The following MCF2 variants were observed in gnomAD, a reference collection of about 807,000 sequenced individuals.
MCF2 encodes the protein proto-oncogene DBL.
Under a neutral mutation model 82.5 loss-of-function variants are expected in MCF2, and 44 were observed. That is an observed-to-expected ratio of 0.53 (90% CI 0.42 to 0.69). The LOEUF (loss-of-function observed/expected upper bound fraction) is 0.69, where lower values mean the gene tolerates loss of function less well. Among genes scored for constraint, MCF2 ranks in the 30% least tolerant of loss-of-function variants. The pLI is 0.00. For synonymous variants in MCF2, 217 were observed against 224.9 expected, an observed-to-expected ratio of 0.96 and a Z score of 0.32; for missense variants, 623 against 663.1, an observed-to-expected ratio of 0.94 and a Z score of 0.66.
At chrX:139,685,318 C>T (rs184987409) in intron 1 of MCF2, among the ~76,000 whole-genome samples, 33 of 110,873 alleles carry the variant, frequency 3.0e-4, no homozygotes, top group Admixed American at 8.7e-4. Flanking sequence ...AACTAAAAGG[C>T]GGAAAAGAAA....
chrX:139,687,305 A>G (rs961129600), intron 1 of MCF2, among the ~76,000 whole-genome samples: 6 of 112,866 alleles, frequency 5.3e-5, no homozygotes, highest in African/African-American at 1.9e-4. Flanking sequence ...TACATCTGCC[A>G]TAAACATACA....
chrX:139,589,034 T>C (rs1378375355), intron 20 of MCF2, among the ~76,000 whole-genome samples: 1 of 111,713 alleles, frequency 9.0e-6, no homozygotes, highest in Non-Finnish European at 1.9e-5. Context: ...ACAGGAGGAT[T>C]CTTTTTAAAA....
chrX:139,587,735 A>T (rs1263182697), exon 22 of MCF2: 2 of 1,192,927 alleles, frequency 1.7e-6, no homozygotes, highest in Non-Finnish European at 2.3e-6. Flanking sequence ...TGCTGAAGAG[A>T]AATCTGAAAC....
intron 4 of MCF2, 145 bp from the exon 8 acceptor site, chrX:139,626,901 A>T: frequency 2.0e-6 from 1 of 491,534 alleles, no homozygotes; most frequent in Non-Finnish European, 3.2e-6. Flanking sequence ...CTGAAAATTC[A>T]CAAAATTTCA....
intron 23 of MCF2, among the ~76,000 whole-genome samples, chrX:139,585,962 C>T (rs964927632): frequency 4.5e-5 from 5 of 112,009 alleles, no homozygotes; most frequent in African/African-American, 3.2e-5. Context: ...AAGTGAAATG[C>T]GCATTCCTTG....
At chrX:139,681,136 G>A (rs1273202581) in intron 1 of MCF2, among the ~76,000 whole-genome samples, 7 of 112,320 alleles carry the variant, frequency 6.2e-5, no homozygotes, top group African/African-American at 2.3e-4. Flanking sequence ...AGTTAAAATA[G>A]AGAAAATGTT....
chrX:139,615,137 C>A, intron 9 of MCF2, 85 bp from the exon 13 acceptor site: 1 of 661,792 alleles, frequency 1.5e-6, no homozygotes, highest in Non-Finnish European at 2.3e-6. Context: ...CTCAGATGGT[C>A]AAAAAAATAA....
At chrX:139,634,860 C>T (rs911134260) in intron 1 of MCF2, among the ~76,000 whole-genome samples, 1 of 111,452 alleles carries the variant, frequency 9.0e-6, no homozygotes, top group African/African-American at 3.3e-5. Context: ...GGCTAGGAGA[C>T]CGAGGATGGA....
At position 139,676,839 on chromosome X, in the gene MCF2, A is replaced by G. The variant is rs758025004; in HGVS notation, c.-44-25051T>C. Among the ~76,000 whole-genome samples the G allele has an allele frequency of 4.5e-5, 5 of 112,172 alleles. No homozygotes were observed. The South Asian group carries it at 1.9e-3, about 42-fold the overall frequency. ...CAGTCACAGACAATGCTTGTTACAG[A>G]GGGTAGCTAGTCAGACATGAGCAGG... is the stretch of plus-strand genomic sequence containing the variant. On this transcript the variant is annotated intron_variant, in intron 1 of 27. Transcript: ENST00000414978.
chrX:139,700,665 G>A (rs1935474701), intron 1 of MCF2, among the ~76,000 whole-genome samples: 1 of 111,894 alleles, frequency 8.9e-6, no homozygotes, highest in Admixed American at 9.5e-5. Flanking sequence ...GGCCACTGTG[G>A]TTCTTCAGGA....
At chrX:139,588,929 C>T (rs1467867884) in intron 20 of MCF2, among the ~76,000 whole-genome samples, 1 of 96,341 alleles carries the variant, frequency 1.0e-5, no homozygotes, top group African/African-American at 3.8e-5. Flanking sequence ...GACGCTGTCT[C>T]AAAAAAAAAA....
chrX:139,586,134 T>A (rs944580466), intron 23 of MCF2, among the ~76,000 whole-genome samples: 5 of 111,584 alleles, frequency 4.5e-5, no homozygotes, highest in Non-Finnish European at 9.4e-5. Context: ...CAAGAGAATT[T>A]GTCTTCTGTA....
At chrX:139,642,395 T>C (rs1004144105) in intron 1 of MCF2, 1 of 1,183,713 alleles carries the variant, frequency 8.4e-7, no homozygotes, top group Non-Finnish European at 1.1e-6. Flanking sequence ...GTTTGTGCTA[T>C]AGCACCATGC....
intron 22 of MCF2, among the ~76,000 whole-genome samples, chrX:139,587,110 T>G (rs1929037852): frequency 8.9e-6 from 1 of 111,909 alleles, no homozygotes; most frequent in African/African-American, 3.2e-5. Context: ...AGATGCTGTG[T>G]GGTGAATCTC....
At chrX:139,634,862 G>A (rs943991103) in intron 1 of MCF2, among the ~76,000 whole-genome samples, 4 of 111,475 alleles carry the variant, frequency 3.6e-5, no homozygotes, top group African/African-American at 6.5e-5. Context: ...CTAGGAGACC[G>A]AGGATGGAGG....
chrX:139,670,461 C>A (rs775069147), intron 1 of MCF2, among the ~76,000 whole-genome samples: 1 of 110,797 alleles, frequency 9.0e-6, no homozygotes, highest in Non-Finnish European at 1.9e-5. Context: ...ATCCCTCCCC[C>A]CTCCACCCAC....
At chrX:139,619,509 G>T in intron 7 of MCF2, 78 bp downstream of exon 10, 1 of 713,613 alleles carries the variant, frequency 1.4e-6, no homozygotes, top group Non-Finnish European at 1.9e-6. Flanking sequence ...TTAATAATAA[G>T]GGTTTATACT....
At chrX:139,598,284 A>C (rs1754864701) in intron 17 of MCF2, 122 bp downstream of exon 21, 1 of 455,696 alleles carries the variant, frequency 2.2e-6, no homozygotes, top group Admixed American at 4.1e-5. Flanking sequence ...TGCCAAATCC[A>C]GCCTTCCCAG....
chrX:139,611,462 C>T (rs779596280), intron 10 of MCF2, among the ~76,000 whole-genome samples: 25 of 112,168 alleles, frequency 2.2e-4, no homozygotes, highest in African/African-American at 7.8e-4. Flanking sequence ...TTAAAGGTAA[C>T]TTAAGAGGCA....
Sources: allele counts gnomAD v4.1 joint callset (sites outside exome capture counted in the v4.1 genomes callset), GRCh38; gene constraint gnomAD v4.1.1; transcripts MANE v1.5; gene names NCBI Gene and HGNC (gene_info 2026-07-23, HGNC 2026-07-21).